STAG1: variants seen among roughly 807,000 people sequenced by gnomAD.
STAG1 encodes STAG1 cohesin complex component, also known as cohesin subunit SA-1.
Under a neutral mutation model 170.9 loss-of-function variants are expected in STAG1, and 26 were observed. The observed-to-expected ratio is 0.15, with a 90% confidence interval of 0.11 to 0.21. The LOEUF (loss-of-function observed/expected upper bound fraction) is 0.21, where lower values mean the gene tolerates loss of function less well. STAG1 is among the 10% of genes least tolerant of loss of function. STAG1 has a pLI of 1.00. For missense variants in STAG1, 964 were observed against 1,509.5 expected (o/e 0.64, Z 5.99); for synonymous variants, 514 against 497.7 (o/e 1.03, Z -0.44).
rs535488959 is a variant in STAG1 at position 136,411,565 on chromosome 3, T to A, written c.2196+6320A>T. Among the ~76,000 whole-genome samples, 443 of 152,308 alleles carry A rather than the reference T, an allele frequency of 2.9e-3. 3 individuals carry two copies. Among genetic ancestry groups the A allele is most frequent in the African/African-American group, 0.01 (427 of 41,572 alleles). ...CTGCAATCACTTTTAGTACTTTTCA[T>A]AGATTAAAAATAATTCATTAGCACA... On this transcript the variant is annotated intron_variant, in intron 21 of 33. Transcript: ENST00000383202.
chr3:136,502,308 A>T (rs1484333721), intron 8 of STAG1, among the ~76,000 whole-genome samples: 1 of 146,018 alleles, frequency 6.8e-6, no homozygotes. Context: ...TTTTCCTGGA[A>T]ATGTAGCTTT....
At chr3:136,418,770 T>G (rs2087858133) in intron 20 of STAG1, among the ~76,000 whole-genome samples, 1 of 151,980 alleles carries the variant, frequency 6.6e-6, no homozygotes, top group Admixed American at 6.6e-5. Flanking sequence ...GCCTCCTGAG[T>G]AGCTGGGACT....
intron 12 of STAG1, among the ~76,000 whole-genome samples, chr3:136,471,648 T>C (rs2089631353): frequency 1.3e-5 from 2 of 152,312 alleles, no homozygotes; most frequent in Non-Finnish European, 1.5e-5. Flanking sequence ...TTCTCTCACA[T>C]AGATTCTTGC....
chr3:136,593,567 T>G (rs932646150), intron 4 of STAG1, among the ~76,000 whole-genome samples: 41 of 152,220 alleles, frequency 2.7e-4, no homozygotes, highest in Non-Finnish European at 3.1e-4. Flanking sequence ...TATTAAAATA[T>G]TGAGAATTTC....
At chr3:136,525,747 C>T (rs1285477618) in intron 6 of STAG1, among the ~76,000 whole-genome samples, 1 of 152,164 alleles carries the variant, frequency 6.6e-6, no homozygotes, top group Non-Finnish European at 1.5e-5. Context: ...CTATAAATTT[C>T]CCTCTACACA....
intron 1 of STAG1, among the ~76,000 whole-genome samples, chr3:136,725,428 C>T (rs1283794606): frequency 6.6e-6 from 1 of 152,160 alleles, no homozygotes; most frequent in East Asian, 1.9e-4. Context: ...TTTCAAAATA[C>T]TACTCTACAA....
rs567372175 is a variant in STAG1 at position 136,391,329 on chromosome 3, C to T, written c.2277+7420G>A. 2.8e-3 allele frequency among the ~76,000 whole-genome samples: 427 copies of T among 149,994 alleles called. 2 individuals carry two copies. Among genetic ancestry groups the T allele is most frequent in the South Asian group, 7.2e-3 (34 of 4,752 alleles). ...AAAAAATAAGGATAAATTCTAGATC[C>T]GCAGGCCAAAGAAAGTAATAGGGCA... On this transcript the variant is annotated intron_variant, in intron 22 of 33. Coordinates refer to ENST00000383202, the MANE Select transcript of STAG1 (RefSeq NM_005862.3).
chr3:136,672,714 CAG>C (rs1199598970), intron 1 of STAG1, among the ~76,000 whole-genome samples: 2 of 152,104 alleles, frequency 1.3e-5, no homozygotes, highest in Admixed American at 6.6e-5. Flanking sequence ...AACACACACA[CAG>C]AGAGGGGGGA....
At chr3:136,724,600 T>G (rs144226359) in intron 1 of STAG1, among the ~76,000 whole-genome samples, 1 of 104,676 alleles carries the variant, frequency 9.6e-6, no homozygotes, top group Admixed American at 1.1e-4. Context: ...GAATGATCAA[T>G]AAAAAAAAAA....
At chr3:136,473,766 G>A (rs552721679) in intron 10 of STAG1, 129 bp from the exon 11 acceptor site, 14 of 655,346 alleles carry the variant, frequency 2.1e-5, no homozygotes, top group African/African-American at 2.1e-4. Context: ...CATAGGATGA[G>A]ACTGAACAAT....
intron 1 of STAG1, among the ~76,000 whole-genome samples, chr3:136,636,393 T>A (rs944234270): frequency 1.3e-5 from 2 of 152,338 alleles, no homozygotes; most frequent in African/African-American, 4.8e-5. Flanking sequence ...GTGAAGCCAC[T>A]TTTCAACAGT....
chr3:136,625,671 C>T (rs1346080309), intron 2 of STAG1, among the ~76,000 whole-genome samples: 1 of 152,148 alleles, frequency 6.6e-6, no homozygotes, highest in African/African-American at 2.4e-5. Flanking sequence ...CCTCAGCCAT[C>T]CTTCTCAGAA....
At chr3:136,468,414 G>T (rs767380717) in intron 12 of STAG1, among the ~76,000 whole-genome samples, 2 of 152,154 alleles carry the variant, frequency 1.3e-5, no homozygotes, top group Non-Finnish European at 2.9e-5. Context: ...TGGAAGAAAT[G>T]GATACATTCC....
At chr3:136,491,632 A>G (rs1054383622) in intron 9 of STAG1, among the ~76,000 whole-genome samples, 5 of 152,170 alleles carry the variant, frequency 3.3e-5, no homozygotes, top group Non-Finnish European at 5.9e-5. Context: ...TCAGTTAGAA[A>G]ACACATTCTT....
At chr3:136,465,059 T>G in intron 12 of STAG1, 71 bp from the exon 13 acceptor site, 2 of 1,174,654 alleles carry the variant, frequency 1.7e-6, no homozygotes, top group East Asian at 2.6e-5. Context: ...TATTTAAACT[T>G]GCTAAAGTTC....
intron 3 of STAG1, among the ~76,000 whole-genome samples, chr3:136,616,039 C>T (rs1000471494): frequency 6.6e-6 from 1 of 151,868 alleles, no homozygotes; most frequent in Non-Finnish European, 1.5e-5. Context: ...GAGGCCAAGG[C>T]GGGTGGATCA....
intron 9 of STAG1, among the ~76,000 whole-genome samples, chr3:136,493,896 C>G (rs976252492): frequency 6.6e-6 from 1 of 152,088 alleles, no homozygotes; most frequent in African/African-American, 2.4e-5. Context: ...TAACATTATG[C>G]CATTAAATTT....
At chr3:136,475,013 C>G (rs1364223564) in intron 10 of STAG1, among the ~76,000 whole-genome samples, 1 of 152,050 alleles carries the variant, frequency 6.6e-6, no homozygotes, top group African/African-American at 2.4e-5. Context: ...AGGATACCCT[C>G]TAAGGTACAA....
At chr3:136,421,212 G>A (rs1559791063) in intron 19 of STAG1, 49 bp from the exon 20 acceptor site, 18 of 1,205,538 alleles carry the variant, frequency 1.5e-5, no homozygotes, top group Non-Finnish European at 2.1e-5. Context: ...TCACCTTATA[G>A]TATATTACTA....
Sources: gnomAD v4.1 joint callset for allele counts (sites outside exome capture counted in the v4.1 genomes callset) on GRCh38, gnomAD v4.1.1 for gene constraint, MANE v1.5 for transcripts, NCBI Gene and HGNC (gene_info 2026-07-23, HGNC 2026-07-21) for gene names.